The following PROM1 variants were observed in gnomAD, a reference collection of about 807,000 sequenced individuals.
PROM1 encodes the protein prominin 1.
A neutral mutation model predicts 116.9 loss-of-function variants in PROM1; 105 were observed. That is an observed-to-expected ratio of 0.90 (90% CI 0.77 to 1.06). The LOEUF is 1.06. PROM1 is among the 50% of genes least tolerant of loss of function. The pLI, the probability that PROM1 is intolerant of heterozygous loss-of-function variation, is 0.00. For synonymous variants in PROM1, 393 were observed against 387.0 expected (o/e 1.02, Z -0.18); for missense variants, 1,122 against 1,045.2 (o/e 1.07, Z -1.01).
intron 16 of PROM1, 63 bp from the exon 17 acceptor site, chr4:15,992,454 T>A: frequency 1.9e-6 from 3 of 1,552,572 alleles, no homozygotes; most frequent in Non-Finnish European, 2.6e-6. Flanking sequence ...AACCAAATGC[T>A]TTAAAAGAGC....
At chr4:16,048,798 T>C (rs1307114630) in intron 2 of PROM1, among the ~76,000 whole-genome samples, 2 of 152,186 alleles carry the variant, frequency 1.3e-5, no homozygotes, top group Non-Finnish European at 2.9e-5. Flanking sequence ...GTCTGGCCTG[T>C]GTAGCTTCCT....
chr4:15,991,355 T>G (rs1027928187), intron 17 of PROM1, 62 bp from the exon 18 acceptor site: 1 of 1,109,422 alleles, frequency 9.0e-7, no homozygotes, highest in Admixed American at 2.9e-5. Flanking sequence ...TAACACAACA[T>G]CTAGTAGGCA....
rs920151408 is a variant in PROM1, at chr4:15,992,533, G to T, written c.1768-142C>A. The T allele has an allele frequency of 1.1e-5, 9 of 842,842 alleles. No homozygotes were observed. The African/African-American group carries it at 1.4e-4, about 13-fold the overall frequency. The allele number at this position is 842,842 out of a possible 1,614,324, so 52.2% of individuals were successfully genotyped here. A position where few individuals can be genotyped will look rare whatever the true frequency, so the allele number is the denominator to read the frequency against. ...TTTGGGAGGCTGAGGTGGGAGGATC[G>T]CTTGAGCTCAGGAGTTCAAAACCAG... On this transcript the variant is annotated intron_variant, in intron 16 of 27. Coordinates refer to ENST00000447510, the MANE Select transcript of PROM1 (RefSeq NM_006017.3).
intron 20 of PROM1, among the ~76,000 whole-genome samples, chr4:15,987,019 G>A (rs1719595898): frequency 6.6e-6 from 1 of 152,238 alleles, no homozygotes; most frequent in Non-Finnish European, 1.5e-5. Context: ...CCTGTGGTAG[G>A]TAGATTGCAT....
chr4:16,079,564 G>C (rs1744611655), intron 1 of PROM1: 1 of 152,176 alleles, frequency 6.6e-6, no homozygotes, highest in African/African-American at 2.4e-5. Context: ...GTATTTACCA[G>C]CTAAACCCCA....
intron 14 of PROM1, 43 bp from the exon 15 acceptor site, chr4:15,998,531 C>T: frequency 1.3e-6 from 2 of 1,503,038 alleles, no homozygotes; most frequent in Non-Finnish European, 1.8e-6. Flanking sequence ...CAGTTTTACA[C>T]TAACATACAT....
chr4:15,987,326 A>G (rs931452427), intron 20 of PROM1, among the ~76,000 whole-genome samples: 1 of 152,202 alleles, frequency 6.6e-6, no homozygotes, highest in Admixed American at 6.5e-5. Flanking sequence ...AGCAGGGAAA[A>G]TGAACATTTA....
intron 9 of PROM1, among the ~76,000 whole-genome samples, chr4:16,016,662 C>T (rs564064988): frequency 6.6e-6 from 1 of 152,286 alleles, no homozygotes; most frequent in South Asian, 2.1e-4. Context: ...TTGAAGTTCT[C>T]TAGCTCCTAC....
rs1730672646 is a variant in PROM1, at chr4:16,024,308, G to T, written c.681C>A (p.Phe227Leu). The T allele has an allele frequency of 6.2e-7, 1 of 1,613,342 alleles. No individual in the cohort carries two copies. The highest frequency in any genetic ancestry group is 8.5e-7 in the Non-Finnish European group (1 of 1,179,532). ...AATTTTACTCACTGTTCAGATCTGT[G>T]AACGCCTTGTCCTTGGTAGTGTTGT... is the stretch of plus-strand genomic sequence containing the variant. ...AQYNTTKDKA[F>L]TDLNSINSVL... Residue 227 changes from phenylalanine (F) to leucine (L), a missense_variant, in exon 7 of 28, where the codon TTC (phenylalanine) becomes TTA (leucine). Transcript: ENST00000447510.
intron 1 of PROM1, among the ~76,000 whole-genome samples, chr4:16,080,254 C>T (rs1200300221): frequency 2.0e-5 from 3 of 151,632 alleles, no homozygotes; most frequent in African/African-American, 7.3e-5. Context: ...GGCGTGGTGG[C>T]TCAAGCCTGT....
At chr4:16,000,015 T>A (rs1560447218) in intron 14 of PROM1, among the ~76,000 whole-genome samples, 1 of 152,224 alleles carries the variant, frequency 6.6e-6, no homozygotes, top group African/African-American at 2.4e-5. Context: ...CTACTAGACG[T>A]GTGCCAGGTC....
At chr4:16,020,162 G>C (rs1346321944) in intron 8 of PROM1, among the ~76,000 whole-genome samples, 1 of 152,178 alleles carries the variant, frequency 6.6e-6, no homozygotes, top group African/African-American at 2.4e-5. Flanking sequence ...CTGCAACCTA[G>C]CTTTGAGGAT....
At chr4:16,060,470 C>A (rs1242195480) in intron 2 of PROM1, among the ~76,000 whole-genome samples, 1 of 152,108 alleles carries the variant, frequency 6.6e-6, no homozygotes, top group South Asian at 2.1e-4. Context: ...CGTGCTACCA[C>A]GCCCGGCTAA....
At chr4:16,044,004 C>A (rs1318131488) in intron 2 of PROM1, among the ~76,000 whole-genome samples, 1 of 152,194 alleles carries the variant, frequency 6.6e-6, no homozygotes, top group Non-Finnish European at 1.5e-5. Context: ...TCGTGGGATT[C>A]TCTTGCAGTT....
At chr4:16,068,809 C>A (rs1209984723) in intron 2 of PROM1, among the ~76,000 whole-genome samples, 2 of 152,170 alleles carry the variant, frequency 1.3e-5, no homozygotes, top group Non-Finnish European at 2.9e-5. Context: ...GGAAACAAGG[C>A]TTAACTCCCC....
chr4:15,970,325 C>T (rs1213177774), intron 27 of PROM1, among the ~76,000 whole-genome samples: 1 of 151,478 alleles, frequency 6.6e-6, no homozygotes, highest in Non-Finnish European at 1.5e-5. Context: ...TTACAGGGGC[C>T]CCCCACCACA....
intron 6 of PROM1, among the ~76,000 whole-genome samples, chr4:16,024,956 T>C (rs1471146415): frequency 6.6e-6 from 1 of 152,222 alleles, no homozygotes; most frequent in Non-Finnish European, 1.5e-5. Flanking sequence ...ATATGTACTG[T>C]AATGTTAAGT....
intron 10 of PROM1, among the ~76,000 whole-genome samples, chr4:16,013,721 G>A (rs1344396693): frequency 6.6e-6 from 1 of 150,908 alleles, no homozygotes; most frequent in Admixed American, 6.6e-5. Context: ...GGTTATCACA[G>A]TTGTGGGGTG....
At chr4:15,995,785 T>C (rs1353919638) in intron 15 of PROM1, among the ~76,000 whole-genome samples, 2 of 152,170 alleles carry the variant, frequency 1.3e-5, no homozygotes, top group African/African-American at 4.8e-5. Context: ...ATTCCCACAC[T>C]GCATAAGACA....
Sources: gnomAD v4.1 joint callset for allele counts (sites outside exome capture counted in the v4.1 genomes callset) on GRCh38, gnomAD v4.1.1 for gene constraint, MANE v1.5 for transcripts, NCBI Gene and HGNC (gene_info 2026-07-23, HGNC 2026-07-21) for gene names.